LMAN1: variants seen among roughly 807,000 people sequenced by gnomAD.
LMAN1 encodes protein ERGIC-53.
A neutral mutation model predicts 67.8 loss-of-function variants in LMAN1; 32 were observed. The observed-to-expected ratio is 0.47, with a 90% CI of 0.36 to 0.63. The LOEUF (loss-of-function observed/expected upper bound fraction) is 0.63. Among genes scored for constraint, LMAN1 ranks in the 30% least tolerant of loss-of-function variants. The pLI, the probability that LMAN1 is intolerant of heterozygous loss-of-function variation, is 0.00. For synonymous variants in LMAN1, 235 were observed against 219.3 expected, an observed-to-expected ratio of 1.07 and a Z score of -0.63; for missense variants, 632 against 628.2, an observed-to-expected ratio of 1.01 and a Z score of -0.06.
At chr18:59,341,637 A>C (rs762588574) in intron 8 of LMAN1, among the ~76,000 whole-genome samples, 1 of 152,102 alleles carries the variant, frequency 6.6e-6, no homozygotes, top group Non-Finnish European at 1.5e-5. Flanking sequence ...CAAATGTAAA[A>C]ATTTCTTGAA....
chr18:59,354,332 G>A (rs960898780), intron 4 of LMAN1, among the ~76,000 whole-genome samples, 187 bp downstream of exon 4: 2 of 152,142 alleles, frequency 1.3e-5, no homozygotes, highest in Non-Finnish European at 2.9e-5. Flanking sequence ...ATCTGAGATG[G>A]TCCACAGATA....
At chr18:59,345,669 G>A (rs945626965) in intron 8 of LMAN1, among the ~76,000 whole-genome samples, 5 of 152,066 alleles carry the variant, frequency 3.3e-5, no homozygotes, top group African/African-American at 1.2e-4. Context: ...TCACTCTAGC[G>A]GTCCCATTCC....
At chr18:59,339,012 T>C in intron 8 of LMAN1, 59 bp from the exon 9 acceptor site, 1 of 1,484,892 alleles carries the variant, frequency 6.7e-7, no homozygotes, top group Non-Finnish European at 9.3e-7. Context: ...GTTTTTGAAA[T>C]AACGTAAGTG....
chr18:59,331,663 G>C (rs2070748455), intron 11 of LMAN1, 124 bp from the exon 12 acceptor site: 1 of 1,115,844 alleles, frequency 9.0e-7, no homozygotes, highest in Non-Finnish European at 1.3e-6. Context: ...TCATCCCCCA[G>C]AAAACCTTCT....
rs926074463 is a variant in LMAN1 at position 59,330,645 on chromosome 18, A to T, written c.*448T>A. On this transcript the variant is annotated 3_prime_UTR_variant, in exon 13 of 13. Coordinates refer to ENST00000251047, the MANE Select transcript of LMAN1 (RefSeq NM_005570.4). ...AAAGGACTGCAGGCCCAGGCCTTTG[A>T]TTAGGAAGTCTGACCTCTAAAAAAG... is the stretch of plus-strand genomic sequence containing the variant. The T allele has an allele frequency of 5.1e-5, 8 of 156,738 alleles. No individual in the cohort carries two copies. The highest frequency in any genetic ancestry group is 2.8e-5 in the Non-Finnish European group (2 of 70,766). 9.7% of individuals were successfully genotyped at this position (156,738 alleles called of 1,614,324 possible).
intron 5 of LMAN1, among the ~76,000 whole-genome samples, chr18:59,351,807 G>A (rs41322248): frequency 0.016 from 2,393 of 152,274 alleles, 36 homozygotes; most frequent in Non-Finnish European, 0.018. Context: ...ATGCAGGTAA[G>A]CAAGACTTAC....
At position 59,359,040 on chromosome 18, in the gene LMAN1, G is replaced by C; in HGVS notation, c.205C>G (p.His69Asp). ...QSDGTVPFWAHAGNAIPSSDQ... is the reference protein window; with the variant it reads ...QSDGTVPFWADAGNAIPSSDQ... ...CTCTGCTCCGGCTTACTCCCCGCGT[G>C]GGCCCAGAAGGGCACGGTCCCGTCG... Residue 69 changes from histidine (H) to aspartate (D), a missense_variant, in exon 1 of 13, where the codon CAC (histidine) becomes GAC (aspartate). By Grantham distance (81) the His-to-Asp change is moderately conservative (BLOSUM62 -1). Transcript: ENST00000251047. The C allele has an allele frequency of 1.2e-6, 2 of 1,613,944 alleles. No homozygotes were observed. Among genetic ancestry groups the C allele is most frequent in the South Asian group, 1.1e-5 (1 of 91,086 alleles).
chr18:59,330,750 C>T lies in LMAN1; in HGVS notation c.*343G>A, dbSNP rs927683393. 7 of 250,502 alleles carry T rather than the reference C, an allele frequency of 2.8e-5. No individual in the cohort carries two copies. Among genetic ancestry groups the T allele is most frequent in the African/African-American group, 1.1e-4 (5 of 43,754 alleles). The allele number at this position is 250,502 out of a possible 1,614,324, so 15.5% of individuals were successfully genotyped here. On this transcript the variant is annotated 3_prime_UTR_variant, in exon 13 of 13. Transcript: ENST00000251047. Reference sequence around the variant, plus strand: ...GGAGGCATGAGGGCAAGTGTGTTTACGTTATACAGGGAAACCTGCAATATT... The same window carrying T: ...GGAGGCATGAGGGCAAGTGTGTTTATGTTATACAGGGAAACCTGCAATATT...
intron 12 of LMAN1, 56 bp downstream of exon 12, chr18:59,331,362 T>C (rs1405399190): frequency 6.6e-7 from 1 of 1,512,560 alleles, no homozygotes; most frequent in Non-Finnish European, 9.2e-7. Flanking sequence ...TAGTTGAATA[T>C]TTCTAATTAA....
chr18:59,340,956 T>C (rs1455034031), intron 8 of LMAN1, among the ~76,000 whole-genome samples: 1 of 152,092 alleles, frequency 6.6e-6, no homozygotes, highest in Non-Finnish European at 1.5e-5. Context: ...ATGGCACAAC[T>C]ATATACTGCC....
chr18:59,331,575 A>T (rs2144207531), intron 11 of LMAN1, 36 bp from the exon 12 acceptor site: 1 of 1,608,096 alleles, frequency 6.2e-7, no homozygotes, highest in Admixed American at 1.7e-5. Context: ...CAGTTAGTCA[A>T]AATAGCAGTT....
chr18:59,331,097 A>T lies in LMAN1; in HGVS notation c.1529T>A (p.Phe510Tyr), dbSNP rs766478096. ...SQQEAAAKKF[F>Y] is the part of the protein sequence containing the mutation. ...AAGTACACAGGAAAATGGTAGTCAA[A>T]AGAATTTTTTGGCAGCTGCTTCTTG... Residue 510 changes from phenylalanine (F) to tyrosine (Y), a missense_variant, in exon 13 of 13, where the codon TTT (phenylalanine) becomes TAT (tyrosine). By Grantham distance (22) the Phe-to-Tyr change is conservative. Transcript: ENST00000251047. 6.2e-7 allele frequency: 1 copy of T among 1,611,150 alleles called. No homozygotes were observed. The highest frequency in any genetic ancestry group is 2.2e-5 in the East Asian group (1 of 44,752).
In LMAN1 at chr18:59,330,933, CTTTGCTTTA is replaced by C. The variant is rs1300372573; in HGVS notation, c.*151_*159del. The C allele has an allele frequency of 3.2e-6, 2 of 625,774 alleles. No homozygotes were observed. The highest frequency in any genetic ancestry group is 2.8e-6 in the Non-Finnish European group (1 of 351,158). The allele number at this position is 625,774 out of a possible 1,614,324, so 38.8% of individuals were successfully genotyped here. A position where few individuals can be genotyped will look rare whatever the true frequency, so the allele number is the denominator to read the frequency against. On this transcript the variant is annotated 3_prime_UTR_variant, in exon 13 of 13. Transcript: ENST00000251047. ...TGTGAACAAATTAAAATGTGGTTGT[CTTTGCTTTA>C]AGGTTTATTCTTAACTGCAAATCAA...
At chr18:59,352,031 C>T (rs1471516678) in intron 5 of LMAN1, among the ~76,000 whole-genome samples, 2 of 152,136 alleles carry the variant, frequency 1.3e-5, no homozygotes, top group African/African-American at 4.8e-5. Context: ...AAGAAAAATT[C>T]ATACACTATT....
chr18:59,358,319 A>G (rs1908708141), intron 1 of LMAN1, among the ~76,000 whole-genome samples: 1 of 152,258 alleles, frequency 6.6e-6, no homozygotes, highest in Non-Finnish European at 1.5e-5. Flanking sequence ...TCTCAGGTTC[A>G]GAAACAATCA....
Position 59,330,233 on chromosome 18 carries a change from A to T in LMAN1, c.*860T>A, listed in dbSNP as rs41331148. ...AGGTTTTGTGAATTTAAATCCTCAG[A>T]TCATGCAATTTGAGCTGAATTTACA... On this transcript the variant is annotated 3_prime_UTR_variant, in exon 13 of 13. Transcript: ENST00000251047. The T allele has an allele frequency of 6.6e-6, 1 of 152,620 alleles. No homozygotes were observed. Among genetic ancestry groups the T allele is most frequent in the African/African-American group, 2.4e-5 (1 of 41,452 alleles). 9.5% of individuals were successfully genotyped at this position (152,620 alleles called of 1,614,324 possible). A position where few individuals can be genotyped will look rare whatever the true frequency, so the allele number is the denominator to read the frequency against.
chr18:59,339,017 T>C, intron 8 of LMAN1, 64 bp from the exon 9 acceptor site: 7 of 1,446,132 alleles, frequency 4.8e-6, no homozygotes, highest in Non-Finnish European at 6.7e-6. Flanking sequence ...TGAAATAACG[T>C]AAGTGACCAA....
intron 6 of LMAN1, among the ~76,000 whole-genome samples, chr18:59,348,247 AG>A (rs1908464258): frequency 6.6e-6 from 1 of 152,252 alleles, no homozygotes; most frequent in Non-Finnish European, 1.5e-5. Flanking sequence ...TCAATCGTAC[AG>A]CAATCTTTAT....
chr18:59,330,341 T>C lies in LMAN1; in HGVS notation c.*752A>G, dbSNP rs894779165. On this transcript the variant is annotated 3_prime_UTR_variant, in exon 13 of 13. Coordinates refer to ENST00000251047, the MANE Select transcript of LMAN1 (RefSeq NM_005570.4). ...TTTTCATAATATTGACCTGACCCCA[T>C]TGGAATGAAGACATTCAAGAATATG... The C allele has an allele frequency of 2.6e-5, 4 of 152,556 alleles. No individual in the cohort carries two copies. Among genetic ancestry groups the C allele is most frequent in the African/African-American group, 7.2e-5 (3 of 41,460 alleles). 9.5% of individuals were successfully genotyped at this position (152,556 alleles called of 1,614,324 possible).
Sources: gnomAD v4.1 joint callset for allele counts (sites outside exome capture counted in the v4.1 genomes callset) on GRCh38, gnomAD v4.1.1 for gene constraint, MANE v1.5 for transcripts, NCBI Gene and HGNC (gene_info 2026-07-23, HGNC 2026-07-21) for gene names.